NEDD4: variants seen among roughly 807,000 people sequenced by gnomAD.
NEDD4 encodes the protein E3 ubiquitin-protein ligase NEDD4.
A neutral mutation model predicts 144.9 loss-of-function variants in NEDD4; 99 were observed. That is an observed-to-expected ratio of 0.68 (90% CI 0.58 to 0.81). The LOEUF (loss-of-function observed/expected upper bound fraction) is 0.81. Among genes scored for constraint, NEDD4 ranks in the 30% least tolerant of loss-of-function variants. NEDD4 has a pLI of 0.00. For missense variants in NEDD4, 985 were observed against 1,065.9 expected, an observed-to-expected ratio of 0.92 and a Z score of 1.06; for synonymous variants, 318 against 350.6, an observed-to-expected ratio of 0.91 and a Z score of 1.04.
intron 4 of NEDD4, among the ~76,000 whole-genome samples, chr15:55,949,197 A>G (rs2037183267): frequency 6.6e-6 from 1 of 152,242 alleles, no homozygotes; most frequent in South Asian, 2.1e-4. Context: ...AACACATGTA[A>G]AAATGCTCAT....
At chr15:55,836,758 C>G (rs1234802549) in intron 24 of NEDD4, among the ~76,000 whole-genome samples, 3 of 152,126 alleles carry the variant, frequency 2.0e-5, no homozygotes, top group African/African-American at 7.2e-5. Flanking sequence ...AAACTCCTGA[C>G]CTCAGGCAAT....
At chr15:55,869,515 C>T in intron 8 of NEDD4, 64 bp downstream of exon 8, 2 of 891,118 alleles carry the variant, frequency 2.2e-6, no homozygotes, top group Admixed American at 4.8e-5. Context: ...TATTGTTCTT[C>T]AGAGTACAGT....
intron 5 of NEDD4, chr15:55,916,529 C>T (rs557241574): frequency 6.2e-7 from 1 of 1,614,080 alleles, no homozygotes; most frequent in South Asian, 1.1e-5. Flanking sequence ...CATTGCTAGA[C>T]TGAAGATATC....
At chr15:55,970,199 A>C (rs1436874213) in intron 1 of NEDD4, among the ~76,000 whole-genome samples, 1 of 152,106 alleles carries the variant, frequency 6.6e-6, no homozygotes, top group South Asian at 2.1e-4. Context: ...CAAAGGGAAG[A>C]ATAAAAAGGA....
chr15:55,933,406 A>G lies in NEDD4; in HGVS notation c.238-8707T>C, dbSNP rs534181991. On this transcript the variant is annotated intron_variant, in intron 4 of 28. Transcript: ENST00000435532. ...GACATGGATGAAGCTAGAAACCATC[A>G]TTCTGAGCAAACTATCACAGGGACA... 8.6e-5 allele frequency among the ~76,000 whole-genome samples: 13 copies of G among 151,956 alleles called. No homozygotes were observed. In the South Asian group the frequency reaches 2.7e-3, roughly 32 times the overall value.
intron 5 of NEDD4, among the ~76,000 whole-genome samples, chr15:55,875,040 G>A (rs1052730595): frequency 1.3e-5 from 2 of 150,932 alleles, no homozygotes; most frequent in African/African-American, 4.9e-5. Flanking sequence ...GTCTCTATTA[G>A]TTACTATATT....
rs2032726496 is a variant in NEDD4, at chr15:55,827,016, A to G, written c.*2881T>C. 1 of 152,236 alleles carries G rather than the reference A, an allele frequency of 6.6e-6. No homozygotes were observed. Among genetic ancestry groups the G allele is most frequent in the African/African-American group, 2.4e-5 (1 of 41,462 alleles). 9.4% of individuals were successfully genotyped at this position (152,236 alleles called of 1,614,324 possible). A position where few individuals can be genotyped will look rare whatever the true frequency, so the allele number is the denominator to read the frequency against. Reference sequence around the variant, plus strand: ...TAAAGTGTGCAATAAATTTTGATACATCAATCTTGATATATATATTTACTG... The same window carrying G: ...TAAAGTGTGCAATAAATTTTGATACGTCAATCTTGATATATATATTTACTG... On this transcript the variant is annotated 3_prime_UTR_variant, in exon 29 of 29. Transcript: ENST00000435532.
chr15:55,917,910 T>TA (rs2036492889), intron 5 of NEDD4, among the ~76,000 whole-genome samples: 1 of 152,082 alleles, frequency 6.6e-6, no homozygotes, highest in African/African-American at 2.4e-5. Flanking sequence ...TTCATTCACT[T>TA]AAGAGAGTGT....
chr15:55,988,828 C>CA (rs1262130749), intron 1 of NEDD4, among the ~76,000 whole-genome samples: 6 of 151,848 alleles, frequency 4.0e-5, no homozygotes, highest in Non-Finnish European at 8.8e-5. Context: ...ATGAAAATGG[C>CA]AAAAAAAGGT....
chr15:55,935,787 C>A (rs1320756084), intron 4 of NEDD4, among the ~76,000 whole-genome samples: 1 of 141,788 alleles, frequency 7.1e-6, no homozygotes, highest in East Asian at 2.1e-4. Context: ...GCAGAGGTTG[C>A]AGTGAGTTGA....
intron 7 of NEDD4, among the ~76,000 whole-genome samples, chr15:55,871,946 T>C (rs2034813807): frequency 6.6e-6 from 1 of 152,200 alleles, no homozygotes; most frequent in Non-Finnish European, 1.5e-5. Context: ...GAAAATGGAA[T>C]TATAAGCATG....
At chr15:55,859,448 C>G (rs564932688) in intron 11 of NEDD4, among the ~76,000 whole-genome samples, 1 of 152,300 alleles carries the variant, frequency 6.6e-6, no homozygotes, top group Non-Finnish European at 1.5e-5. Flanking sequence ...AATCCCAGCA[C>G]TTTGGGAGTC....
intron 5 of NEDD4, among the ~76,000 whole-genome samples, chr15:55,880,735 C>T (rs2035160495): frequency 1.3e-5 from 2 of 152,234 alleles, no homozygotes; most frequent in South Asian, 4.1e-4. Flanking sequence ...AGAGAGCAAC[C>T]AGTGCATACT....
chr15:55,928,528 C>G (rs2036719498), intron 4 of NEDD4, among the ~76,000 whole-genome samples: 1 of 152,178 alleles, frequency 6.6e-6, no homozygotes, highest in Non-Finnish European at 1.5e-5. Context: ...TATGCATCTA[C>G]CCTATACTGT....
At chr15:55,843,071 A>C (rs2141988817) in intron 18 of NEDD4, among the ~76,000 whole-genome samples, 1 of 152,292 alleles carries the variant, frequency 6.6e-6, no homozygotes, top group African/African-American at 2.4e-5. Flanking sequence ...AATGGTTTCT[A>C]TGCACAAGCT....
chr15:55,852,251 C>A (rs527743313), intron 13 of NEDD4, among the ~76,000 whole-genome samples, 173 bp downstream of exon 13: 1 of 151,338 alleles, frequency 6.6e-6, no homozygotes, highest in South Asian at 2.1e-4. Context: ...GCCACGATCA[C>A]GCCATTGGAC....
intron 24 of NEDD4, among the ~76,000 whole-genome samples, chr15:55,835,469 C>A (rs977414531): frequency 1.4e-5 from 2 of 146,000 alleles, no homozygotes; most frequent in Non-Finnish European, 3.0e-5. Flanking sequence ...ATTTATAAAC[C>A]ATCCATTCAA....
chr15:55,945,204 A>G (rs2037086777), intron 4 of NEDD4, among the ~76,000 whole-genome samples: 1 of 152,044 alleles, frequency 6.6e-6, no homozygotes, highest in Non-Finnish European at 1.5e-5. Context: ...GTCGGTAAAA[A>G]CAAACTTCTC....
At chr15:55,951,049 A>G (rs2037229065) in intron 4 of NEDD4, among the ~76,000 whole-genome samples, 1 of 152,304 alleles carries the variant, frequency 6.6e-6, no homozygotes, top group African/African-American at 2.4e-5. Flanking sequence ...ATAGGCCCTA[A>G]TCTGTTTAAT....
Sources: gnomAD v4.1 joint callset for allele counts (sites outside exome capture counted in the v4.1 genomes callset) on GRCh38, gnomAD v4.1.1 for gene constraint, MANE v1.5 for transcripts, NCBI Gene and HGNC (gene_info 2026-07-23, HGNC 2026-07-21) for gene names.